OPCML: variants seen among roughly 807,000 people sequenced by gnomAD.
The protein encoded by OPCML is opioid binding protein/cell adhesion molecule like.
OPCML carries 13 observed loss-of-function variants against 37.8 expected under a neutral mutation model. That is an observed-to-expected ratio of 0.34 (90% CI 0.22 to 0.55). The LOEUF is 0.55. Ranked by LOEUF, OPCML falls within the 20% of genes least tolerant of loss-of-function variation. The pLI, the probability that OPCML is intolerant of heterozygous loss-of-function variation, is 0.91. For missense variants in OPCML, 341 were observed against 435.6 expected (o/e 0.78, Z 1.93); for synonymous variants, 176 against 168.8 (o/e 1.04, Z -0.33).
At chr11:132,481,102 G>A (rs1010511930) in intron 4 of OPCML, among the ~76,000 whole-genome samples, 1 of 152,090 alleles carries the variant, frequency 6.6e-6, no homozygotes, top group Non-Finnish European at 1.5e-5. Context: ...TGGACTAAAT[G>A]CTCCAATTAA....
At chr11:133,157,920 G>T (rs185469301) in intron 1 of OPCML, among the ~76,000 whole-genome samples, 1 of 152,176 alleles carries the variant, frequency 6.6e-6, no homozygotes, top group Non-Finnish European at 1.5e-5. Context: ...GCCCCGGGGG[G>T]CACTGGTTAT....
intron 1 of OPCML, among the ~76,000 whole-genome samples, chr11:133,512,012 C>A (rs554247926): frequency 2.0e-5 from 3 of 152,180 alleles, no homozygotes; most frequent in African/African-American, 7.2e-5. Flanking sequence ...ACTTTTGACA[C>A]CAGATGTTGT....
At chr11:132,993,638 C>A (rs918345243) in intron 1 of OPCML, among the ~76,000 whole-genome samples, 2 of 152,124 alleles carry the variant, frequency 1.3e-5, no homozygotes, top group African/African-American at 2.4e-5. Context: ...AGAGCCCCTG[C>A]CCTCCGCGAG....
At chr11:132,537,778 G>A (rs2096344872) in intron 3 of OPCML, among the ~76,000 whole-genome samples, 1 of 152,096 alleles carries the variant, frequency 6.6e-6, no homozygotes, top group Non-Finnish European at 1.5e-5. Flanking sequence ...ATTCTCCAAA[G>A]AAGATATACT....
intron 3 of OPCML, among the ~76,000 whole-genome samples, chr11:132,579,273 G>A (rs2096457337): frequency 6.6e-6 from 1 of 152,052 alleles, no homozygotes; most frequent in South Asian, 2.1e-4. Context: ...TGTTTCTCTT[G>A]GGAAGAGTGT....
intron 1 of OPCML, among the ~76,000 whole-genome samples, chr11:133,498,111 G>A (rs965634871): frequency 2.4e-4 from 37 of 152,298 alleles, no homozygotes; most frequent in African/African-American, 8.7e-4. Flanking sequence ...AGAGGAGAGG[G>A]TGCCGGGCAA....
At chr11:132,805,529 A>C (rs1380819749) in intron 2 of OPCML, among the ~76,000 whole-genome samples, 1 of 152,204 alleles carries the variant, frequency 6.6e-6, no homozygotes, top group Non-Finnish European at 1.5e-5. Flanking sequence ...AAAACCAAAT[A>C]AAAAGAGCAC....
intron 1 of OPCML, among the ~76,000 whole-genome samples, chr11:133,116,462 A>G (rs1392525594): frequency 6.6e-6 from 1 of 152,224 alleles, no homozygotes; most frequent in Non-Finnish European, 1.5e-5. Flanking sequence ...TTAGCTTCCT[A>G]TAATCTGCAA....
chr11:132,578,866 T>C (rs1387130184), intron 3 of OPCML, among the ~76,000 whole-genome samples: 1 of 152,110 alleles, frequency 6.6e-6, no homozygotes, highest in Non-Finnish European at 1.5e-5. Flanking sequence ...AATAATATGA[T>C]AGCAAAGTCA....
At chr11:133,499,692 G>T (rs960166090) in intron 1 of OPCML, among the ~76,000 whole-genome samples, 6 of 150,478 alleles carry the variant, frequency 4.0e-5, no homozygotes, top group African/African-American at 7.3e-5. Context: ...GTTTGTTGGG[G>T]TTTTTTTTAA....
At chr11:132,591,273 C>T (rs1417611100) in intron 3 of OPCML, among the ~76,000 whole-genome samples, 1 of 152,186 alleles carries the variant, frequency 6.6e-6, no homozygotes. Flanking sequence ...ATCCTTGAAC[C>T]AGGCAGGTGG....
At chr11:132,476,746 C>T (rs80322685) in intron 4 of OPCML, among the ~76,000 whole-genome samples, 10 of 151,230 alleles carry the variant, frequency 6.6e-5, no homozygotes, top group South Asian at 4.2e-4. Context: ...TGCTAAATGA[C>T]GAGTTAATGG....
At chr11:132,726,057 G>A (rs1944869172) in intron 2 of OPCML, among the ~76,000 whole-genome samples, 1 of 152,098 alleles carries the variant, frequency 6.6e-6, no homozygotes, top group East Asian at 1.9e-4. Flanking sequence ...ACGTTTTCCT[G>A]TCTTCTCCTG....
intron 1 of OPCML, among the ~76,000 whole-genome samples, chr11:133,072,144 G>A (rs1433424224): frequency 6.6e-6 from 1 of 151,764 alleles, no homozygotes; most frequent in African/African-American, 2.4e-5. Context: ...GACCGCTAAT[G>A]AGTACTGGTT....
intron 1 of OPCML, among the ~76,000 whole-genome samples, chr11:133,444,202 T>C (rs994069434): frequency 2.0e-5 from 3 of 152,026 alleles, no homozygotes; most frequent in African/African-American, 7.2e-5. Flanking sequence ...TAAACATGTT[T>C]AAGCAGAGGA....
At chr11:133,215,419 A>G (rs1012380159) in intron 1 of OPCML, among the ~76,000 whole-genome samples, 4 of 152,330 alleles carry the variant, frequency 2.6e-5, no homozygotes, top group South Asian at 2.1e-4. Flanking sequence ...GGCAGCAGAT[A>G]TCATCTTCCT....
intron 2 of OPCML, among the ~76,000 whole-genome samples, chr11:132,762,290 C>A (rs1946291659): frequency 6.6e-6 from 1 of 152,208 alleles, no homozygotes; most frequent in African/African-American, 2.4e-5. Context: ...GCATGGGGGT[C>A]AGGGACCCAC....
At chr11:133,307,716 G>A (rs145438313) in intron 1 of OPCML, among the ~76,000 whole-genome samples, 24 of 152,240 alleles carry the variant, frequency 1.6e-4, no homozygotes, top group East Asian at 5.8e-4. Flanking sequence ...ACTCAGGTGC[G>A]TTTTGATTCC....
chr11:133,145,295 C>T (rs1028416712), intron 1 of OPCML, among the ~76,000 whole-genome samples: 7 of 151,932 alleles, frequency 4.6e-5, no homozygotes, highest in Non-Finnish European at 8.8e-5. Flanking sequence ...AGGACATTTA[C>T]GAGGAGATGA....
Sources: gnomAD v4.1 joint callset for allele counts (sites outside exome capture counted in the v4.1 genomes callset) on GRCh38, gnomAD v4.1.1 for gene constraint, MANE v1.5 for transcripts, NCBI Gene and HGNC (gene_info 2026-07-23, HGNC 2026-07-21) for gene names.